ARHGEF37: variants seen among roughly 807,000 people sequenced by gnomAD.
ARHGEF37 encodes Rho guanine nucleotide exchange factor 37.
In ARHGEF37, 55 loss-of-function variants were observed where a neutral mutation model predicts 71.1. That is an observed-to-expected ratio of 0.77 (90% CI 0.62 to 0.97). The LOEUF (loss-of-function observed/expected upper bound fraction) is 0.97. ARHGEF37 is among the 50% of genes least tolerant of loss of function. The pLI, the probability that ARHGEF37 is intolerant of heterozygous loss-of-function variation, is 0.00. For synonymous variants in ARHGEF37, 327 were observed against 350.6 expected (o/e 0.93, Z 0.75); for missense variants, 765 against 836.8 (o/e 0.91, Z 1.06).
intron 1 of ARHGEF37, among the ~76,000 whole-genome samples, chr5:149,565,699 C>G (rs1762888448): frequency 6.6e-6 from 1 of 152,128 alleles, no homozygotes. Context: ...ATAGCCCCAG[C>G]CCTTATGAGG....
chr5:149,556,767 C>A (rs986265844), intron 1 of ARHGEF37, among the ~76,000 whole-genome samples: 1 of 152,204 alleles, frequency 6.6e-6, no homozygotes, highest in Non-Finnish European at 1.5e-5. Context: ...AGATTATCCA[C>A]CTGCTTCAGC....
chr5:149,611,718 G>A (rs913461965), intron 4 of ARHGEF37, among the ~76,000 whole-genome samples: 4 of 152,358 alleles, frequency 2.6e-5, no homozygotes, highest in South Asian at 4.1e-4. Flanking sequence ...TGAATCTCAC[G>A]TATTATAGTT....
Position 149,633,971 on chromosome 5 carries a change from G to A in ARHGEF37, c.*1780G>A, listed in dbSNP as rs976347760. On this transcript the variant is annotated 3_prime_UTR_variant, in exon 13 of 13. Coordinates refer to ENST00000333677, the MANE Select transcript of ARHGEF37 (RefSeq NM_001001669.3). ...TTTCTGATAAAAATAGAGAGCATAGGGGAACAGATAATGAAATAGGAAACC... is the reference window on the plus strand; with the variant it reads ...TTTCTGATAAAAATAGAGAGCATAGAGGAACAGATAATGAAATAGGAAACC... The A allele has an allele frequency of 6.6e-5, 10 of 152,134 alleles. No individual in the cohort carries two copies. Among genetic ancestry groups the A allele is most frequent in the Non-Finnish European group, 1.3e-4 (9 of 68,024 alleles). The allele number at this position is 152,134 out of a possible 1,614,324, so 9.4% of individuals were successfully genotyped here.
intron 7 of ARHGEF37, among the ~76,000 whole-genome samples, chr5:149,620,006 G>C (rs1460343491): frequency 6.6e-6 from 1 of 150,738 alleles, no homozygotes; most frequent in Non-Finnish European, 1.5e-5. Flanking sequence ...CTGGGAGGCA[G>C]AGATTGCAAT....
At chr5:149,563,923 C>A (rs767488288) in intron 1 of ARHGEF37, among the ~76,000 whole-genome samples, 4 of 150,604 alleles carry the variant, frequency 2.7e-5, no homozygotes, top group Admixed American at 2.0e-4. Context: ...GATTTTCCCA[C>A]GCATAGGTAA....
intron 1 of ARHGEF37, among the ~76,000 whole-genome samples, chr5:149,563,933 ATAAT>A (rs1189473048): frequency 6.6e-6 from 1 of 151,360 alleles, no homozygotes; most frequent in Non-Finnish European, 1.5e-5. Flanking sequence ...CGCATAGGTA[ATAAT>A]TAGTTTAAAT....
chr5:149,588,379 C>A (rs550424300), intron 1 of ARHGEF37, among the ~76,000 whole-genome samples: 1 of 152,278 alleles, frequency 6.6e-6, no homozygotes, highest in Non-Finnish European at 1.5e-5. Flanking sequence ...TCACAGCAAC[C>A]TCTGCCTCCA....
intron 4 of ARHGEF37, among the ~76,000 whole-genome samples, chr5:149,611,074 C>T (rs1346396460): frequency 1.3e-5 from 2 of 152,214 alleles, no homozygotes; most frequent in African/African-American, 4.8e-5. Context: ...GTCCTATGGT[C>T]TCTCCTCTTC....
intron 1 of ARHGEF37, among the ~76,000 whole-genome samples, chr5:149,596,926 A>G (rs1763562878): frequency 6.6e-6 from 1 of 152,214 alleles, no homozygotes; most frequent in South Asian, 2.1e-4. Flanking sequence ...AAAGTCTTAC[A>G]GCAGGGCACA....
chr5:149,616,153 G>A (rs1752369626), intron 4 of ARHGEF37, among the ~76,000 whole-genome samples: 1 of 152,050 alleles, frequency 6.6e-6, no homozygotes, highest in Admixed American at 6.6e-5. Context: ...AGGGAGGAGA[G>A]GACACCCAGG....
chr5:149,561,272 CAAAAAAAAAA>C (rs11334969), intron 1 of ARHGEF37, among the ~76,000 whole-genome samples: 1 of 63,240 alleles, frequency 1.6e-5, no homozygotes, highest in African/African-American at 7.4e-5. Context: ...GACTCTGTCT[CAAAAAAAAAA>C]AAAAAAAAAA....
chr5:149,602,381 A>G (rs1763781998), intron 3 of ARHGEF37, among the ~76,000 whole-genome samples: 1 of 152,110 alleles, frequency 6.6e-6, no homozygotes, highest in African/African-American at 2.4e-5. Context: ...AGATCTCTTC[A>G]GCTGCTGTGG....
chr5:149,560,068 C>T (rs1762808606), intron 1 of ARHGEF37, among the ~76,000 whole-genome samples: 1 of 152,126 alleles, frequency 6.6e-6, no homozygotes, highest in Admixed American at 6.6e-5. Flanking sequence ...ATCAAAACTA[C>T]AGTGAGCCAA....
chr5:149,629,100 C>A, intron 12 of ARHGEF37, 134 bp downstream of exon 12: 1 of 1,185,148 alleles, frequency 8.4e-7, no homozygotes, highest in Non-Finnish European at 1.1e-6. Context: ...AGGCCTTGAT[C>A]AATGGCCATG....
In ARHGEF37 at chr5:149,633,209, T is replaced by A. The variant is rs932366970; in HGVS notation, c.*1018T>A. 6 of 152,302 alleles carry A rather than the reference T, an allele frequency of 3.9e-5. No homozygotes were observed. The highest frequency in any genetic ancestry group is 7.3e-5 in the Non-Finnish European group (5 of 68,068). 9.4% of individuals were successfully genotyped at this position (152,302 alleles called of 1,614,324 possible). A position where few individuals can be genotyped will look rare whatever the true frequency, so the allele number is the denominator to read the frequency against. The stretch of plus-strand genomic sequence containing the variant: ...AAAGACCTCACTCACAGGGTTGTGC[T>A]GAGAATGACGTGGGGCTAAGCATGC... On this transcript the variant is annotated 3_prime_UTR_variant, in exon 13 of 13. Coordinates refer to ENST00000333677, the MANE Select transcript of ARHGEF37 (RefSeq NM_001001669.3).
At position 149,632,514 on chromosome 5, in the gene ARHGEF37, G is replaced by A. The variant is rs1329197957; in HGVS notation, c.*323G>A. On this transcript the variant is annotated 3_prime_UTR_variant, in exon 13 of 13. Transcript: ENST00000333677. ...ATAGGTTATGGCCAGTCTTAGCTGT[G>A]CCTGCATCCGGGCCTGCCTGTGGGC... 2.2e-5 allele frequency: 7 copies of A among 313,418 alleles called. No homozygotes were observed. The highest frequency in any genetic ancestry group is 3.0e-5 in the Non-Finnish European group (5 of 164,192). The allele number at this position is 313,418 out of a possible 1,614,324, so 19.4% of individuals were successfully genotyped here.
In ARHGEF37 at chr5:149,620,426, T is replaced by A. The variant is rs75449679; in HGVS notation, c.967T>A (p.Leu323Met). 1.2e-6 allele frequency: 2 copies of A among 1,612,554 alleles called. No individual in the cohort carries two copies. Among genetic ancestry groups the A allele is most frequent in the African/African-American group, 1.3e-5 (1 of 74,926 alleles). ...GGGGCCTGCAGTGCAGTATTGCAAT[T>A]TGGCAAGAGACCTTCACCTTGAGGC... Reference protein sequence around the residue: ...PEGPAVQYCNLARDLHLEAFL... With the variant: ...PEGPAVQYCNMARDLHLEAFL... The change falls in exon 8 of 13, where the codon TTG (leucine) becomes ATG (methionine). Residue 323 changes from leucine (L) to methionine (M), a missense_variant. Physicochemically the swap from Leu to Met is conservative, Grantham distance 15. Transcript: ENST00000333677.
chr5:149,593,532 G>A (rs1234337842), intron 1 of ARHGEF37, among the ~76,000 whole-genome samples: 1 of 152,122 alleles, frequency 6.6e-6, no homozygotes, highest in East Asian at 1.9e-4. Context: ...AGGGGTTGGG[G>A]TACCAACATG....
chr5:149,558,867 C>A (rs1463449092), intron 1 of ARHGEF37, among the ~76,000 whole-genome samples: 1 of 151,970 alleles, frequency 6.6e-6, no homozygotes, highest in Non-Finnish European at 1.5e-5. Flanking sequence ...CAAATGTTAA[C>A]ATTTTGCTGT....
Sources: gnomAD v4.1 joint callset for allele counts (sites outside exome capture counted in the v4.1 genomes callset) on GRCh38, gnomAD v4.1.1 for gene constraint, MANE v1.5 for transcripts, NCBI Gene and HGNC (gene_info 2026-07-23, HGNC 2026-07-21) for gene names.